Variants in GABARAP observed in about 807,000 individuals in gnomAD.
The protein encoded by GABARAP is gamma-aminobutyric acid receptor-associated protein.
In GABARAP, 5 loss-of-function variants were observed where a neutral mutation model predicts 16.7. The ratio of observed to expected loss-of-function variants is 0.30; its 90% CI spans 0.16 to 0.63. The LOEUF is 0.63. Among genes scored for constraint, GABARAP ranks in the 20% least tolerant of loss-of-function variants. The pLI, the probability that GABARAP is intolerant of heterozygous loss-of-function variation, is 0.82. For synonymous variants in GABARAP, 45 were observed against 52.7 expected (o/e 0.85, Z 0.64); for missense variants, 84 against 146.6 (o/e 0.57, Z 2.21).
chr17:7,240,645 G>C lies in GABARAP; in HGVS notation c.*209C>G, dbSNP rs1018819573. ...AGGATGGGAAAGGCGGGCAGAGAAAGGGGAAGAAAGGAGAAAGGAGAGTTA... is the reference window on the plus strand; with the variant it reads ...AGGATGGGAAAGGCGGGCAGAGAAACGGGAAGAAAGGAGAAAGGAGAGTTA... On this transcript the variant is annotated 3_prime_UTR_variant, in exon 4 of 4. Transcript: ENST00000302386. 3.5e-5 allele frequency: 19 copies of C among 542,240 alleles called. No individual in the cohort carries two copies. Among genetic ancestry groups the C allele is most frequent in the Non-Finnish European group, 5.9e-5 (18 of 303,874 alleles). 33.6% of individuals were successfully genotyped at this position (542,240 alleles called of 1,614,324 possible).
intron 1 of GABARAP, 43 bp from the exon 2 acceptor site, chr17:7,241,722 C>T: frequency 9.5e-6 from 11 of 1,158,098 alleles, no homozygotes; most frequent in Non-Finnish European, 1.4e-5. Context: ...GAATGCAGCC[C>T]CGAAGCTGCA....
rs1172508692 is a variant in GABARAP, at chr17:7,242,357, C to A, written c.-27G>T. On this transcript the variant is annotated 5_prime_UTR_variant, in exon 1 of 4. Coordinates refer to ENST00000302386, the MANE Select transcript of GABARAP (RefSeq NM_007278.2). The stretch of plus-strand genomic sequence containing the variant: ...CTCCCGGGAACCGGGCTGGACAGGG[C>A]TGGGCTGAGGGAACCCAGGGGGGCC... 6.3e-7 allele frequency: 1 copy of A among 1,581,818 alleles called. No individual in the cohort carries two copies. Among genetic ancestry groups the A allele is most frequent in the Non-Finnish European group, 8.7e-7 (1 of 1,152,480 alleles).
chr17:7,241,225 A>T (rs1229154651), intron 3 of GABARAP, 117 bp downstream of exon 3: 2 of 733,456 alleles, frequency 2.7e-6, no homozygotes, highest in East Asian at 2.4e-5. Context: ...GGCTATTATG[A>T]AACTTTAAGG....
chr17:7,241,229 T>G, intron 3 of GABARAP, 113 bp downstream of exon 3: 1 of 742,424 alleles, frequency 1.3e-6, no homozygotes. Context: ...ATTATGAAAC[T>G]TTAAGGCAAG....
intron 3 of GABARAP, 118 bp from the exon 4 acceptor site, chr17:7,241,037 G>C (rs1219902821): frequency 1.3e-6 from 1 of 752,108 alleles, no homozygotes; most frequent in Non-Finnish European, 2.4e-6. Flanking sequence ...CTGACTCCAA[G>C]GCCTACCACA....
chr17:7,240,591 CACAG>C lies in GABARAP; in HGVS notation c.*259_*262del. 4.7e-6 allele frequency: 2 copies of C among 423,274 alleles called. No individual in the cohort carries two copies. Among genetic ancestry groups the C allele is most frequent in the Non-Finnish European group, 8.6e-6 (2 of 233,232 alleles). The allele number at this position is 423,274 out of a possible 1,614,324, so 26.2% of individuals were successfully genotyped here. A position where few individuals can be genotyped will look rare whatever the true frequency, so the allele number is the denominator to read the frequency against. ...AAACCAAAACAATCACTGGATGTGACACAGACTGACAATCAAGAAGTCTACAGCA... is the reference window on the plus strand; with the variant it reads ...AAACCAAAACAATCACTGGATGTGACACTGACAATCAAGAAGTCTACAGCA... On this transcript the variant is annotated 3_prime_UTR_variant, in exon 4 of 4. Coordinates refer to ENST00000302386, the MANE Select transcript of GABARAP (RefSeq NM_007278.2).
rs1249974564 is a variant in GABARAP, at chr17:7,240,797, G to C, written c.*57C>G. On this transcript the variant is annotated 3_prime_UTR_variant, in exon 4 of 4. Transcript: ENST00000302386. ...TTGAAGGAGGAGGAGGTCAAGAAAG[G>C]GGGGCCACCTCTCTCTTTGTAGAAT... is the stretch of plus-strand genomic sequence containing the variant. 3 of 1,175,332 alleles carry C rather than the reference G, an allele frequency of 2.6e-6. No homozygotes were observed. Among genetic ancestry groups the C allele is most frequent in the African/African-American group, 1.5e-5 (1 of 65,882 alleles). The allele number at this position is 1,175,332 out of a possible 1,614,324, so 72.8% of individuals were successfully genotyped here. A position where few individuals can be genotyped will look rare whatever the true frequency, so the allele number is the denominator to read the frequency against.
Position 7,242,232 on chromosome 17 carries a change from T to G in GABARAP, c.90+9A>C. 1.2e-6 allele frequency: 2 copies of G among 1,608,270 alleles called. No individual in the cohort carries two copies. The highest frequency in any genetic ancestry group is 1.7e-6 in the Non-Finnish European group (2 of 1,174,964). ...GTCCCGCGCCCTCGGCCCTGGCTAC[T>G]GTCCTCACCGGCACCCGGTCCGGGT... On this transcript the variant is annotated intron_variant, in intron 1 of 3. Transcript: ENST00000302386.
rs2071770466 is a variant in GABARAP, at chr17:7,240,902, G to A, written c.306C>T (p.Asp102=). 1 of 1,612,790 alleles carries A rather than the reference G, an allele frequency of 6.2e-7. No homozygotes were observed. The highest frequency in any genetic ancestry group is 1.7e-5 in the Admixed American group (1 of 60,010). Residue 102 remains aspartate, a synonymous_variant, in exon 4 of 4, where the codon GAC becomes GAT. Coordinates refer to ENST00000302386, the MANE Select transcript of GABARAP (RefSeq NM_007278.2). The part of the protein sequence containing the change: ...GQLYQEHHEE[D]FFLYIAYSDE... ...CACTGTAGGCAATGTAGAGAAAGAA[G>A]TCTTCTTCATGGTGTTCCTGGGATG...
In GABARAP at chr17:7,242,346, G is replaced by A. The variant is rs1192219161; in HGVS notation, c.-16C>T. Reference sequence around the variant, plus strand: ...CGAACTTCATCCTCCCGGGAACCGGGCTGGACAGGGCTGGGCTGAGGGAAC... The same window carrying A: ...CGAACTTCATCCTCCCGGGAACCGGACTGGACAGGGCTGGGCTGAGGGAAC... On this transcript the variant is annotated 5_prime_UTR_variant, in exon 1 of 4. Transcript: ENST00000302386. 6.2e-7 allele frequency: 1 copy of A among 1,600,958 alleles called. No homozygotes were observed. Among genetic ancestry groups the A allele is most frequent in the Non-Finnish European group, 8.6e-7 (1 of 1,168,398 alleles).
Position 7,240,765 on chromosome 17 carries a change from T to G in GABARAP, c.*89A>C. 1.2e-6 allele frequency: 1 copy of G among 839,724 alleles called. No homozygotes were observed. Among genetic ancestry groups the G allele is most frequent in the South Asian group, 1.4e-5 (1 of 72,508 alleles). The allele number at this position is 839,724 out of a possible 1,614,324, so 52.0% of individuals were successfully genotyped here. A position where few individuals can be genotyped will look rare whatever the true frequency, so the allele number is the denominator to read the frequency against. On this transcript the variant is annotated 3_prime_UTR_variant, in exon 4 of 4. Transcript: ENST00000302386. ...CCGGTCCTGAATAAGGGAGGTGGTG[T>G]TTGAGCTTGAAGGAGGAGGAGGTCA...
chr17:7,242,346 GC>G lies in GABARAP; in HGVS notation c.-17del. ...CGAACTTCATCCTCCCGGGAACCGG[GC>G]TGGACAGGGCTGGGCTGAGGGAACC... is the stretch of plus-strand genomic sequence containing the variant. On this transcript the variant is annotated 5_prime_UTR_variant, in exon 1 of 4. Transcript: ENST00000302386. 1 of 1,600,946 alleles carries G rather than the reference GC, an allele frequency of 6.2e-7. No homozygotes were observed. The highest frequency in any genetic ancestry group is 1.1e-5 in the South Asian group (1 of 90,798).
chr17:7,242,434 C>A lies in GABARAP; in HGVS notation c.-104G>T. The A allele has an allele frequency of 1.2e-6, 1 of 848,418 alleles. No homozygotes were observed. The highest frequency in any genetic ancestry group is 2.0e-6 in the Non-Finnish European group (1 of 511,640). 52.6% of individuals were successfully genotyped at this position (848,418 alleles called of 1,614,324 possible). A position where few individuals can be genotyped will look rare whatever the true frequency, so the allele number is the denominator to read the frequency against. ...CGACGCGCGGGCGGATTCAGCGGAGCGATCCACGAATTTGCGCCACTTCCC... is the reference window on the plus strand; with the variant it reads ...CGACGCGCGGGCGGATTCAGCGGAGAGATCCACGAATTTGCGCCACTTCCC... On this transcript the variant is annotated 5_prime_UTR_variant, in exon 1 of 4. Transcript: ENST00000302386.
rs1431659645 is a variant in GABARAP, at chr17:7,240,160, T to C, written c.*694A>G. ...AAAAAAATTTTTTTTTACATGAGCA[T>C]TTTTAACATTTAGTTTCACATGCGT... On this transcript the variant is annotated 3_prime_UTR_variant, in exon 4 of 4. Transcript: ENST00000302386. 1 of 152,218 alleles carries C rather than the reference T, an allele frequency of 6.6e-6. No individual in the cohort carries two copies. The highest frequency in any genetic ancestry group is 1.9e-4 in the East Asian group (1 of 5,200). 9.4% of individuals were successfully genotyped at this position (152,218 alleles called of 1,614,324 possible). A position where few individuals can be genotyped will look rare whatever the true frequency, so the allele number is the denominator to read the frequency against.
Position 7,241,809 on chromosome 17 carries a change from G to A in GABARAP, c.91-130C>T, listed in dbSNP as rs554425005. On this transcript the variant is annotated intron_variant, in intron 1 of 3. Transcript: ENST00000302386. ...TTCATCTCTTTGTCTTTGTACACGC[G>A]GTGCAGCACTGAGTCCCAGAGATCC... is the stretch of plus-strand genomic sequence containing the variant. The A allele has an allele frequency of 2.0e-5, 14 of 695,566 alleles. No homozygotes were observed. The East Asian group carries it at 3.4e-4, about 17-fold the overall frequency. The allele number at this position is 695,566 out of a possible 1,614,324, so 43.1% of individuals were successfully genotyped here.
In GABARAP at chr17:7,241,673, C is replaced by A. The variant is rs1363776410; in HGVS notation, c.97G>T (p.Val33Leu). 1.3e-6 allele frequency: 2 copies of A among 1,595,396 alleles called. No homozygotes were observed. The highest frequency in any genetic ancestry group is 1.7e-6 in the Non-Finnish European group (2 of 1,162,894). ...ATCCGAGCTTTGGGAGCCTTTTCTA[C>A]TATCACCTGATAAAGAGATGAAAAT... ...KKYPDRVPVI[V>L]EKAPKARIGD... The change falls in exon 2 of 4, where the codon GTA (valine) becomes TTA (leucine). Residue 33 changes from valine (V) to leucine (L), a missense_variant. By Grantham distance (32) the Val-to-Leu change is conservative (BLOSUM62 1). Transcript: ENST00000302386.
chr17:7,241,906 A>G (rs1216909092), intron 1 of GABARAP: 9 of 576,658 alleles, frequency 1.6e-5, no homozygotes, highest in Non-Finnish European at 2.5e-5. Context: ...ATAAACAACT[A>G]TCTTAATCAG....
chr17:7,240,694 C>G lies in GABARAP; in HGVS notation c.*160G>C. ...TACAAGATGCCAACTCCACCATTACCCCTCCTAAGAGAGGCTGGAGAGAAA... is the reference window on the plus strand; with the variant it reads ...TACAAGATGCCAACTCCACCATTACGCCTCCTAAGAGAGGCTGGAGAGAAA... On this transcript the variant is annotated 3_prime_UTR_variant, in exon 4 of 4. Coordinates refer to ENST00000302386, the MANE Select transcript of GABARAP (RefSeq NM_007278.2). 1.7e-6 allele frequency: 1 copy of G among 601,722 alleles called. No individual in the cohort carries two copies. The highest frequency in any genetic ancestry group is 3.0e-6 in the Non-Finnish European group (1 of 333,230). The allele number at this position is 601,722 out of a possible 1,614,324, so 37.3% of individuals were successfully genotyped here.
At chr17:7,241,769 TA>T in intron 1 of GABARAP, 90 bp from the exon 2 acceptor site, 1 of 829,908 alleles carries the variant, frequency 1.2e-6, no homozygotes, top group Non-Finnish European at 2.1e-6. Flanking sequence ...TCCTAGCACC[TA>T]AATCTACCCC....
Sources: allele counts gnomAD v4.1 joint callset, GRCh38; gene constraint gnomAD v4.1.1; transcripts MANE v1.5; gene names NCBI Gene and HGNC (gene_info 2026-07-23, HGNC 2026-07-21).